Variants in LIPA observed in about 807,000 individuals in gnomAD.
LIPA encodes lysosomal acid lipase/cholesteryl ester hydrolase.
In LIPA, 26 loss-of-function variants were observed where a neutral mutation model predicts 40.6. The ratio of observed to expected loss-of-function variants is 0.64; its 90% CI spans 0.47 to 0.89. LIPA has a LOEUF of 0.89. Among genes scored for constraint, LIPA ranks in the 40% least tolerant of loss-of-function variants. LIPA has a pLI of 0.00. For missense variants in LIPA, 455 were observed against 479.6 expected, an observed-to-expected ratio of 0.95 and a Z score of 0.48; for synonymous variants, 188 against 168.4, an observed-to-expected ratio of 1.12 and a Z score of -0.90.
intron 2 of LIPA, chr10:89,412,576 A>C (rs1841481271): frequency 5.8e-6 from 1 of 171,906 alleles, no homozygotes. Flanking sequence ...CGCTCTTCGC[A>C]ACGAATCTTG....
At chr10:89,316,555 A>C (rs1843542658) in intron 1 of LIPA, among the ~76,000 whole-genome samples, 1 of 152,188 alleles carries the variant, frequency 6.6e-6, no homozygotes, top group South Asian at 2.1e-4. Context: ...GAGTAGGTAA[A>C]CAAAGTGGCT....
intron 1 of LIPA, among the ~76,000 whole-genome samples, chr10:89,262,210 C>T (rs538682890): frequency 6.6e-6 from 1 of 151,984 alleles, no homozygotes; most frequent in African/African-American, 2.4e-5. Context: ...TTAGCACACA[C>T]AAATGGACTG....
intron 2 of LIPA, among the ~76,000 whole-genome samples, chr10:89,376,652 T>G (rs1041001946): frequency 6.6e-6 from 1 of 152,190 alleles, no homozygotes; most frequent in Non-Finnish European, 1.5e-5. Flanking sequence ...AAAATACGAA[T>G]ATTTTCCAAC....
In LIPA at chr10:89,359,813, T is replaced by A. The variant is rs199950269; in HGVS notation, c.61+52978A>T. Among the ~76,000 whole-genome samples the A allele has an allele frequency of 7.0e-5, 9 of 128,530 alleles. 1 individual carries two copies. In the East Asian group the frequency reaches 1.1e-3, roughly 15 times the overall value. The allele number at this position is 128,530 out of a possible 152,430, so 84.3% of individuals were successfully genotyped here. Reference sequence around the variant, plus strand: ...CTCTCTATCTATCTCTCTCTCTCTCTCTCACACACACACACACACACACAC... The same window carrying A: ...CTCTCTATCTATCTCTCTCTCTCTCACTCACACACACACACACACACACAC... On this transcript the variant is annotated intron_variant, in intron 2 of 8. Coordinates refer to the LIPA transcript ENST00000371837.
At chr10:89,403,905 A>G (rs1844485832) in intron 2 of LIPA, 2 of 503,520 alleles carry the variant, frequency 4.0e-6, no homozygotes, top group South Asian at 7.1e-5. Context: ...TGTAAGAAAG[A>G]GAAATCATTT....
intron 8 of LIPA, among the ~76,000 whole-genome samples, chr10:89,218,120 A>C (rs564605305): frequency 6.6e-6 from 1 of 152,324 alleles, no homozygotes; most frequent in Admixed American, 6.5e-5. Flanking sequence ...GTATTAGGAT[A>C]AACCGTTTTA....
chr10:89,299,589 T>A (rs545918843), intron 1 of LIPA, among the ~76,000 whole-genome samples: 12 of 151,980 alleles, frequency 7.9e-5, no homozygotes, highest in African/African-American at 2.7e-4. Context: ...AAAAAGAAAA[T>A]TTTAAAGACA....
chr10:89,320,859 C>A (rs1055464845), intron 1 of LIPA, among the ~76,000 whole-genome samples: 1 of 151,520 alleles, frequency 6.6e-6, no homozygotes, highest in Non-Finnish European at 1.5e-5. Context: ...GGTACTGGTA[C>A]CAAAACAGAG....
At chr10:89,331,233 C>A (rs1229086938) in intron 1 of LIPA, among the ~76,000 whole-genome samples, 2 of 152,108 alleles carry the variant, frequency 1.3e-5, no homozygotes, top group African/African-American at 4.8e-5. Flanking sequence ...AGTGCAGTGG[C>A]CCGATCATGG....
At chr10:89,272,789 G>A (rs2095050) in intron 1 of LIPA, among the ~76,000 whole-genome samples, 112,277 of 152,194 alleles carry the variant, frequency 0.74, 42,541 homozygotes, top group East Asian at 0.97. Flanking sequence ...AACAGCCATT[G>A]TGACTGGCGT....
At chr10:89,273,941 T>A (rs1160582887) in intron 1 of LIPA, among the ~76,000 whole-genome samples, 1 of 152,238 alleles carries the variant, frequency 6.6e-6, no homozygotes, top group Non-Finnish European at 1.5e-5. Context: ...TTTACACTAC[T>A]TTTACAGCAC....
chr10:89,250,895 G>C (rs138225626), intron 1 of LIPA, among the ~76,000 whole-genome samples: 1 of 152,146 alleles, frequency 6.6e-6, no homozygotes, highest in African/African-American at 2.4e-5. Flanking sequence ...GTGCTTTTCT[G>C]GGCTGTATTA....
intron 2 of LIPA, among the ~76,000 whole-genome samples, chr10:89,356,720 T>C (rs989210540): frequency 6.6e-6 from 1 of 152,194 alleles, no homozygotes; most frequent in Non-Finnish European, 1.5e-5. Flanking sequence ...TATATTACAA[T>C]GTAATAATAA....
At chr10:89,266,392 G>C (rs1366903687) in intron 1 of LIPA, among the ~76,000 whole-genome samples, 3 of 152,170 alleles carry the variant, frequency 2.0e-5, no homozygotes, top group East Asian at 3.8e-4. Context: ...CACATGTGTG[G>C]CTGAGATAGT....
chr10:89,250,684 C>G (rs897199980), intron 1 of LIPA, among the ~76,000 whole-genome samples: 2 of 152,204 alleles, frequency 1.3e-5, no homozygotes, highest in Non-Finnish European at 2.9e-5. Context: ...CTGTATCAAC[C>G]GCCCAGAGGA....
intron 1 of LIPA, among the ~76,000 whole-genome samples, chr10:89,264,117 G>GCTGCCCTTCTCTC (rs1843223566): frequency 6.6e-6 from 1 of 152,184 alleles, no homozygotes; most frequent in Non-Finnish European, 1.5e-5. Flanking sequence ...GCTCTTCTCT[G>GCTGCCCTTCTCTC]CTGCCCTTCT....
At chr10:89,274,771 G>A (rs1843281903) in intron 1 of LIPA, among the ~76,000 whole-genome samples, 1 of 152,108 alleles carries the variant, frequency 6.6e-6, no homozygotes, top group Non-Finnish European at 1.5e-5. Context: ...CGTGTCTGAT[G>A]GGTGGGAGGT....
Position 89,248,443 on chromosome 10 carries a change from TATTTA to T in LIPA, c.-1-799_-1-795del, listed in dbSNP as rs1302494881. 3.2e-3 allele frequency among the ~76,000 whole-genome samples: 106 copies of T among 33,204 alleles called. 2 individuals are homozygous for T. Among genetic ancestry groups the T allele is most frequent in the Middle Eastern group, 0.012 (1 of 84 alleles). The allele number at this position is 33,204 out of a possible 152,430, so 21.8% of individuals were successfully genotyped here. On this transcript the variant is annotated intron_variant, in intron 1 of 9. Coordinates refer to ENST00000336233, the MANE Select transcript of LIPA (RefSeq NM_000235.4). The stretch of plus-strand genomic sequence containing the variant: ...AGGAATTATTATTATTATTATTTTA[TATTTA>T]TTTATTTATTTATTTATTTATTTAT...
intron 2 of LIPA, among the ~76,000 whole-genome samples, chr10:89,353,279 G>A (rs190241342): frequency 1.8e-4 from 28 of 152,324 alleles, no homozygotes; most frequent in African/African-American, 6.3e-4. Flanking sequence ...TGTGCACTAA[G>A]AGGCAAAATG....
Sources: gnomAD v4.1 joint callset for allele counts (sites outside exome capture counted in the v4.1 genomes callset) on GRCh38, gnomAD v4.1.1 for gene constraint, MANE v1.5 for transcripts, NCBI Gene and HGNC (gene_info 2026-07-23, HGNC 2026-07-21) for gene names.